ASIC2: variants seen among roughly 807,000 people sequenced by gnomAD.
The protein encoded by ASIC2 is acid-sensing ion channel 2.
Under a neutral mutation model 57.3 loss-of-function variants are expected in ASIC2, and 25 were observed. The ratio of observed to expected loss-of-function variants is 0.44; its 90% confidence interval spans 0.32 to 0.61. The LOEUF is 0.61. Among genes scored for constraint, ASIC2 ranks in the 20% least tolerant of loss-of-function variants. The pLI is 0.06. For missense variants in ASIC2, 641 were observed against 738.1 expected (o/e 0.87, Z 1.52); for synonymous variants, 319 against 307.5 (o/e 1.04, Z -0.39).
At chr17:33,607,028 G>A (rs988917445) in intron 1 of ASIC2, among the ~76,000 whole-genome samples, 6 of 152,294 alleles carry the variant, frequency 3.9e-5, no homozygotes, top group African/African-American at 9.6e-5. Flanking sequence ...GGTTGGAGGA[G>A]CATGTACCAA....
chr17:33,452,794 A>C (rs991281075), intron 1 of ASIC2, among the ~76,000 whole-genome samples: 1 of 145,220 alleles, frequency 6.9e-6, no homozygotes, highest in Non-Finnish European at 1.5e-5. Flanking sequence ...TTTAAAAAGC[A>C]AGGAAGAAAC....
chr17:33,579,585 C>T (rs1053402210), intron 1 of ASIC2, among the ~76,000 whole-genome samples: 1 of 151,996 alleles, frequency 6.6e-6, no homozygotes, highest in African/African-American at 2.4e-5. Flanking sequence ...TGTTACAGCT[C>T]TTAAAGATGG....
intron 1 of ASIC2, among the ~76,000 whole-genome samples, chr17:34,057,180 T>G (rs201255240): frequency 3.9e-5 from 4 of 102,542 alleles, no homozygotes; most frequent in Admixed American, 2.1e-4. Context: ...TATTTACACA[T>G]AGAGACATGT....
rs572910868 is a variant in ASIC2 at position 33,990,613 on chromosome 17, G to A, written c.555+165365C>T. ...TCAATTTAGTTGTACAAACATTTACGAGCCAGACACAGTGGAAATGGGGAC... is the reference window on the plus strand; with the variant it reads ...TCAATTTAGTTGTACAAACATTTACAAGCCAGACACAGTGGAAATGGGGAC... On this transcript the variant is annotated intron_variant, in intron 1 of 9. Transcript: ENST00000359872. Among the ~76,000 whole-genome samples, 164 of 152,238 alleles carry A rather than the reference G, an allele frequency of 1.1e-3. 2 individuals are homozygous for A. The South Asian group carries it at 0.03, about 28-fold the overall frequency.
intron 1 of ASIC2, among the ~76,000 whole-genome samples, chr17:33,689,850 A>G (rs532054026): frequency 1.3e-5 from 2 of 152,222 alleles, no homozygotes; most frequent in African/African-American, 2.4e-5. Context: ...TGAGGTGGCC[A>G]CAAGCCAAGG....
chr17:33,051,349 C>G (rs542325006), intron 3 of ASIC2, among the ~76,000 whole-genome samples: 3 of 152,282 alleles, frequency 2.0e-5, no homozygotes, highest in Non-Finnish European at 4.4e-5. Flanking sequence ...GTCTCCCAAT[C>G]CTGTGCCCTG....
rs144716684 is a variant in ASIC2, at chr17:33,163,008, C to A, written c.709-50941G>T. Among the ~76,000 whole-genome samples, 572 of 152,326 alleles carry A rather than the reference C, an allele frequency of 3.8e-3. 4 individuals are homozygous for A. The highest frequency in any genetic ancestry group is 0.013 in the African/African-American group (550 of 41,562). ...TGAACTCTGACTGAGAGTCTACTGGCCTGTTCTTGGGCTAAGCTTTTGGGA... is the reference window on the plus strand; with the variant it reads ...TGAACTCTGACTGAGAGTCTACTGGACTGTTCTTGGGCTAAGCTTTTGGGA... On this transcript the variant is annotated intron_variant, in intron 1 of 9. Coordinates refer to ENST00000225823, the MANE Select transcript of ASIC2 (RefSeq NM_183377.2).
At chr17:33,516,726 G>C (rs937970238) in intron 1 of ASIC2, among the ~76,000 whole-genome samples, 41 of 152,306 alleles carry the variant, frequency 2.7e-4, no homozygotes, top group African/African-American at 9.1e-4. Flanking sequence ...CTCCTTGGAG[G>C]TGCCTGGCTT....
At chr17:33,748,531 C>T (rs1229851479) in intron 1 of ASIC2, among the ~76,000 whole-genome samples, 2 of 152,180 alleles carry the variant, frequency 1.3e-5, no homozygotes, top group African/African-American at 4.8e-5. Context: ...AAAGAAAAAA[C>T]AGAAACCCAG....
intron 1 of ASIC2, among the ~76,000 whole-genome samples, chr17:33,374,965 G>T (rs1395465282): frequency 1.3e-5 from 2 of 152,116 alleles, no homozygotes; most frequent in African/African-American, 4.8e-5. Flanking sequence ...AGGGAGGTTG[G>T]GACCGTCAGA....
chr17:33,762,326 C>T (rs1910810277), intron 1 of ASIC2, among the ~76,000 whole-genome samples: 1 of 152,184 alleles, frequency 6.6e-6, no homozygotes, highest in African/African-American at 2.4e-5. Context: ...GCTCATACCC[C>T]ATTCTCCATG....
At chr17:33,987,334 T>G (rs1905853014) in intron 1 of ASIC2, among the ~76,000 whole-genome samples, 1 of 152,164 alleles carries the variant, frequency 6.6e-6, no homozygotes, top group Non-Finnish European at 1.5e-5. Context: ...CCCCAGCCTT[T>G]GCATCTGTCT....
At chr17:33,432,130 G>T (rs1329097419) in intron 1 of ASIC2, among the ~76,000 whole-genome samples, 3 of 152,172 alleles carry the variant, frequency 2.0e-5, no homozygotes, top group Admixed American at 1.3e-4. Context: ...GTAATACGTA[G>T]ATTTTCTTCT....
chr17:34,077,588 G>A (rs567112603), intron 1 of ASIC2, among the ~76,000 whole-genome samples: 3 of 152,266 alleles, frequency 2.0e-5, no homozygotes, highest in African/African-American at 7.2e-5. Flanking sequence ...ATTAATGAAA[G>A]TCAGAAAGCT....
chr17:33,222,789 A>G (rs768184686), intron 1 of ASIC2, among the ~76,000 whole-genome samples: 1 of 152,194 alleles, frequency 6.6e-6, no homozygotes, highest in Non-Finnish European at 1.5e-5. Context: ...AATACTATTC[A>G]ATGAAACTAC....
intron 1 of ASIC2, among the ~76,000 whole-genome samples, chr17:34,033,627 A>T (rs1907726008): frequency 6.6e-6 from 1 of 152,200 alleles, no homozygotes; most frequent in African/African-American, 2.4e-5. Context: ...CAAGACTAAT[A>T]AAGAAGAAAA....
intron 1 of ASIC2, among the ~76,000 whole-genome samples, chr17:33,274,360 T>C (rs1497357): frequency 0.37 from 55,591 of 152,028 alleles, 10,181 homozygotes; most frequent in Admixed American, 0.42. Flanking sequence ...CTTGCCCATA[T>C]CACAGAGCTA....
At chr17:33,377,795 A>T (rs568089278) in intron 1 of ASIC2, among the ~76,000 whole-genome samples, 1 of 152,338 alleles carries the variant, frequency 6.6e-6, no homozygotes, top group East Asian at 1.9e-4. Context: ...TGTGGAGCAC[A>T]TATGACTCAG....
intron 1 of ASIC2, among the ~76,000 whole-genome samples, chr17:34,109,743 C>T (rs1049219535): frequency 6.6e-6 from 1 of 152,126 alleles, no homozygotes; most frequent in African/African-American, 2.4e-5. Context: ...TGAGGACTTG[C>T]TCATTCATAT....
Sources: allele counts gnomAD v4.1 joint callset (sites outside exome capture counted in the v4.1 genomes callset), GRCh38; gene constraint gnomAD v4.1.1; transcripts MANE v1.5; gene names NCBI Gene and HGNC (gene_info 2026-07-23, HGNC 2026-07-21).